ZBBX: variants seen among roughly 807,000 people sequenced by gnomAD.
The protein encoded by ZBBX is zinc finger B-box domain-containing protein 1.
ZBBX carries 101 observed loss-of-function variants against 108.5 expected under a neutral mutation model. That is an observed-to-expected ratio of 0.93 (90% CI 0.79 to 1.10). ZBBX has a LOEUF of 1.10. ZBBX is among the 50% of genes least tolerant of loss of function. ZBBX has a pLI of 0.00. For synonymous variants in ZBBX, 356 were observed against 323.4 expected (o/e 1.10, Z -1.08); for missense variants, 1,009 against 941.4 (o/e 1.07, Z -0.94).
chr3:167,330,387 T>C (rs1216378330), intron 10 of ZBBX, among the ~76,000 whole-genome samples: 1 of 152,130 alleles, frequency 6.6e-6, no homozygotes, highest in Non-Finnish European at 1.5e-5. Flanking sequence ...ATAGAATAAA[T>C]GACCAAACAT....
At chr3:167,252,140 TTCTG>T in intron 20 of ZBBX, 2 of 1,288,914 alleles carry the variant, frequency 1.6e-6, no homozygotes, top group Non-Finnish European at 2.0e-6. Flanking sequence ...TGTAGTTATT[TTCTG>T]TCTTATTCTC....
At chr3:167,238,253 G>T (rs149914470), downstream of ZBBX, among the ~76,000 whole-genome samples, 112 of 152,182 alleles carry the variant, frequency 7.4e-4, no homozygotes, top group African/African-American at 2.7e-3. Context: ...AAATGATGAA[G>T]ATTCATTGGT....
the ZBBX span, among the ~76,000 whole-genome samples, chr3:167,181,373 C>T: frequency 6.6e-6 from 1 of 152,144 alleles, no homozygotes; most frequent in African/African-American, 2.4e-5. Flanking sequence ...CCAGGTTGTC[C>T]ATCAGGCCCT....
At chr3:167,364,439 C>T (rs1364237237) in intron 6 of ZBBX, among the ~76,000 whole-genome samples, 1 of 151,970 alleles carries the variant, frequency 6.6e-6, no homozygotes, top group Non-Finnish European at 1.5e-5. Context: ...GATTTTACTT[C>T]GCCATTCTTT....
chr3:167,352,755 A>G (rs1742887667), intron 8 of ZBBX, among the ~76,000 whole-genome samples: 1 of 151,984 alleles, frequency 6.6e-6, no homozygotes, highest in Non-Finnish European at 1.5e-5. Context: ...TGAATCCAAC[A>G]ACACATCAAA....
chr3:167,298,754 C>T (rs567429279), intron 17 of ZBBX, among the ~76,000 whole-genome samples: 3 of 152,050 alleles, frequency 2.0e-5, no homozygotes, highest in East Asian at 3.9e-4. Flanking sequence ...AGTGTCTTTG[C>T]ACATAAATTA....
intron 20 of ZBBX, among the ~76,000 whole-genome samples, chr3:167,275,950 T>A (rs1036670853): frequency 2.0e-5 from 3 of 152,148 alleles, no homozygotes; most frequent in Non-Finnish European, 4.4e-5. Context: ...GCAGACTGCC[T>A]CCTCAAGTGG....
intron 16 of ZBBX, among the ~76,000 whole-genome samples, chr3:167,306,407 G>T (rs1169022675): frequency 6.6e-6 from 1 of 152,190 alleles, no homozygotes; most frequent in East Asian, 1.9e-4. Flanking sequence ...AAGAGCAGCA[G>T]TTGGGGGCAC....
the ZBBX span, among the ~76,000 whole-genome samples, chr3:167,234,037 C>G: frequency 1.3e-5 from 2 of 151,746 alleles, no homozygotes; most frequent in Admixed American, 6.6e-5. Context: ...CTTCATACTC[C>G]TTTCCCTAAT....
rs55876271 is a variant in ZBBX, at chr3:167,385,479, A to T, written c.-445-5074T>A. On this transcript the variant is annotated intron_variant, in intron 1 of 21. Coordinates refer to the ZBBX transcript ENST00000455345. ...ACACTATAAACTTAGGCTACCCTAA[A>T]TTTTTTTTAAAAATTTCATTCTTTT... Among the ~76,000 whole-genome samples, 873 of 152,022 alleles carry T rather than the reference A, an allele frequency of 5.7e-3. 11 individuals are homozygous for T. Among genetic ancestry groups the T allele is most frequent in the African/African-American group, 0.02 (829 of 41,500 alleles).
chr3:167,277,637 C>G (rs1335610126), intron 20 of ZBBX, among the ~76,000 whole-genome samples: 1 of 152,092 alleles, frequency 6.6e-6, no homozygotes, highest in African/African-American at 2.4e-5. Flanking sequence ...TAGACTCCCA[C>G]ACATTAATAA....
At chr3:167,216,104 C>T in the ZBBX span, among the ~76,000 whole-genome samples, 1 of 152,096 alleles carries the variant, frequency 6.6e-6, no homozygotes. Context: ...TTCTATTCAA[C>T]ATAATACTGG....
chr3:167,270,935 G>A (rs944702401), intron 20 of ZBBX, among the ~76,000 whole-genome samples: 8 of 152,208 alleles, frequency 5.3e-5, no homozygotes, highest in African/African-American at 1.9e-4. Flanking sequence ...ACCAGACCTA[G>A]GGGATACCAC....
chr3:167,212,645 C>A, the ZBBX span, among the ~76,000 whole-genome samples: 1 of 152,128 alleles, frequency 6.6e-6, no homozygotes, highest in Non-Finnish European at 1.5e-5. Context: ...TTGGCTACAA[C>A]CACTACTAAG....
chr3:167,281,129 G>A (rs1728739264), intron 20 of ZBBX, among the ~76,000 whole-genome samples: 1 of 152,152 alleles, frequency 6.6e-6, no homozygotes, highest in African/African-American at 2.4e-5. Flanking sequence ...GGGAGCGATA[G>A]CATTGGGCAA....
the ZBBX span, among the ~76,000 whole-genome samples, chr3:167,192,552 C>G: frequency 6.6e-6 from 1 of 152,104 alleles, no homozygotes; most frequent in Non-Finnish European, 1.5e-5. Flanking sequence ...TCAGGATGTT[C>G]TCTTTAATCG....
chr3:167,202,600 G>T, the ZBBX span, among the ~76,000 whole-genome samples: 2 of 152,000 alleles, frequency 1.3e-5, no homozygotes, highest in East Asian at 3.8e-4. Flanking sequence ...AGAAATAAAA[G>T]CTTTAAAAAG....
the ZBBX span, among the ~76,000 whole-genome samples, chr3:167,214,483 C>T: frequency 6.6e-6 from 1 of 152,138 alleles, no homozygotes; most frequent in African/African-American, 2.4e-5. Flanking sequence ...CACCCAGATT[C>T]ATTAAGCAAG....
chr3:167,370,422 G>T (rs1745984552), intron 4 of ZBBX, among the ~76,000 whole-genome samples: 1 of 152,146 alleles, frequency 6.6e-6, no homozygotes, highest in South Asian at 2.1e-4. Flanking sequence ...CACAGGTACA[G>T]TTCAGGATGA....
Sources: gnomAD v4.1 joint callset for allele counts (sites outside exome capture counted in the v4.1 genomes callset) on GRCh38, gnomAD v4.1.1 for gene constraint, MANE v1.5 for transcripts, NCBI Gene and HGNC (gene_info 2026-07-23, HGNC 2026-07-21) for gene names.